CALCOCO1: variants seen among roughly 807,000 people sequenced by gnomAD.
The protein encoded by CALCOCO1 is calcium-binding and coiled-coil domain-containing protein 1.
CALCOCO1 carries 44 observed loss-of-function variants against 86.3 expected under a neutral mutation model. The observed-to-expected ratio is 0.51, with a 90% CI of 0.40 to 0.66. CALCOCO1 has a LOEUF of 0.66. Among genes scored for constraint, CALCOCO1 ranks in the 30% least tolerant of loss-of-function variants. CALCOCO1 has a pLI of 0.00. For missense variants in CALCOCO1, 708 were observed against 851.1 expected (o/e 0.83, Z 2.09); for synonymous variants, 297 against 327.6 (o/e 0.91, Z 1.01).
At chr12:53,712,365 C>T (rs932656331) in intron 14 of CALCOCO1, 35 of 442,588 alleles carry the variant, frequency 7.9e-5, no homozygotes, top group Non-Finnish European at 1.2e-4. Context: ...ATCCCCCAGC[C>T]TCCTGCTCTC....
intron 12 of CALCOCO1, 49 bp from the exon 13 acceptor site, chr12:53,713,949 A>G: frequency 6.7e-7 from 1 of 1,485,958 alleles, no homozygotes; most frequent in Non-Finnish European, 9.1e-7. Context: ...TGTTGTGAGG[A>G]GTTGGACCAG....
In CALCOCO1 at chr12:53,723,783, G is replaced by T. The variant is rs1389948129; in HGVS notation, c.260C>A (p.Ala87Asp). ...AGCTCCTGGTTTGGGCAGGTAGCTGGCTGTGGGAAGAAGAATGGACCCAGG... is the reference window on the plus strand; with the variant it reads ...AGCTCCTGGTTTGGGCAGGTAGCTGTCTGTGGGAAGAAGAATGGACCCAGG... ...SPIHTSVQFQ[A>D]SYLPKPGAQL... Residue 87 changes from alanine to aspartate, a missense_variant and splice_region_variant, in exon 4 of 15, where the codon GCC becomes GAC. Transcript: ENST00000550804. The T allele has an allele frequency of 6.2e-7, 1 of 1,611,616 alleles. No individual in the cohort carries two copies. Among genetic ancestry groups the T allele is most frequent in the Non-Finnish European group, 8.5e-7 (1 of 1,178,078 alleles).
chr12:53,712,710 C>T (rs1945598482), intron 14 of CALCOCO1: 1 of 914,168 alleles, frequency 1.1e-6, no homozygotes, highest in South Asian at 1.7e-5. Flanking sequence ...CCAGTCTTCT[C>T]TCTGCTCCTA....
chr12:53,716,217 C>T, intron 8 of CALCOCO1, 43 bp downstream of exon 8: 1 of 1,609,376 alleles, frequency 6.2e-7, no homozygotes, highest in Middle Eastern at 1.8e-4. Flanking sequence ...TACAACTTGC[C>T]CTTGGAATTT....
chr12:53,726,477 A>ATT (rs1658580571), intron 1 of CALCOCO1: 2 of 152,206 alleles, frequency 1.3e-5, no homozygotes, highest in African/African-American at 4.8e-5. Context: ...TGGCCCTCTT[A>ATT]TTCATCACTC....
At chr12:53,713,644 C>G (rs1016994189) in intron 13 of CALCOCO1, 57 bp downstream of exon 13, 341 of 1,437,684 alleles carry the variant, frequency 2.4e-4, no homozygotes, top group Non-Finnish European at 3.0e-4. Flanking sequence ...GGCTGGGACA[C>G]TTGGGTTTGG....
chr12:53,721,994 G>C (rs780318716), intron 5 of CALCOCO1, 31 bp downstream of exon 5: 37 of 1,610,596 alleles, frequency 2.3e-5, no homozygotes, highest in Non-Finnish European at 3.1e-5. Flanking sequence ...TGAGCAGCCA[G>C]GCCCTGTCCC....
At chr12:53,717,681 T>A (rs552683625) in intron 7 of CALCOCO1, among the ~76,000 whole-genome samples, 1 of 152,222 alleles carries the variant, frequency 6.6e-6, no homozygotes, top group African/African-American at 2.4e-5. Context: ...CTGCAGATAC[T>A]TGATTTGAAT....
intron 1 of CALCOCO1, among the ~76,000 whole-genome samples, chr12:53,725,529 C>T (rs1349418431): frequency 2.6e-5 from 4 of 152,222 alleles, no homozygotes; most frequent in African/African-American, 9.6e-5. Context: ...TCAGACTTCT[C>T]TAATTTTGCT....
chr12:53,719,621 T>C (rs1945815596), intron 7 of CALCOCO1, 118 bp downstream of exon 7: 2 of 712,210 alleles, frequency 2.8e-6, no homozygotes, highest in Non-Finnish European at 5.1e-6. Context: ...TTATGTTCCC[T>C]AGTAGAGTGC....
chr12:53,724,653 T>G lies in CALCOCO1; in HGVS notation c.251A>C (p.Gln84Pro). The G allele has an allele frequency of 6.2e-7, 1 of 1,613,544 alleles. No individual in the cohort carries two copies. The highest frequency in any genetic ancestry group is 8.5e-7 in the Non-Finnish European group (1 of 1,179,520). ...TDGSPIHTSV[Q>P]FQASYLPKPG... Reference sequence around the variant, plus strand: ...TCCATCTTCCCTTGTACCTTGGAACTGGACACTGGTGTGAATGGGGGAACC... The same window carrying G: ...TCCATCTTCCCTTGTACCTTGGAACGGGACACTGGTGTGAATGGGGGAACC... Residue 84 changes from glutamine to proline, a missense_variant, in exon 3 of 15, where the codon CAG becomes CCG. Physicochemically the swap from Gln to Pro is moderately conservative, Grantham distance 76. Transcript: ENST00000550804.
intron 14 of CALCOCO1, 102 bp downstream of exon 14, chr12:53,712,998 G>GAA: frequency 7.6e-7 from 1 of 1,310,880 alleles, no homozygotes; most frequent in Non-Finnish European, 1.1e-6. Flanking sequence ...CTGAGGCCAA[G>GAA]AAGGGCAGGG....
At chr12:53,725,330 A>G in intron 1 of CALCOCO1, 64 bp from the exon 2 acceptor site, 4 of 1,103,986 alleles carry the variant, frequency 3.6e-6, no homozygotes, top group South Asian at 1.7e-5. Flanking sequence ...CCACAGCTCC[A>G]GCACCACACA....
chr12:53,719,371 C>G (rs2120607221), intron 7 of CALCOCO1, among the ~76,000 whole-genome samples: 1 of 151,992 alleles, frequency 6.6e-6, no homozygotes, highest in South Asian at 2.1e-4. Flanking sequence ...ACTAAAAATA[C>G]AAAAGTTAGC....
At chr12:53,715,572 T>C in intron 9 of CALCOCO1, 1 of 752,532 alleles carries the variant, frequency 1.3e-6, no homozygotes, top group Non-Finnish European at 2.1e-6. Context: ...ATGTTTCTGT[T>C]CCAAGGAAGG....
rs918045475 is a variant in CALCOCO1, at chr12:53,711,519, C to T, written c.*425G>A. 32 of 324,300 alleles carry T rather than the reference C, an allele frequency of 9.9e-5. No homozygotes were observed. Among genetic ancestry groups the T allele is most frequent in the Admixed American group, 1.5e-4 (3 of 20,356 alleles). The allele number at this position is 324,300 out of a possible 1,614,324, so 20.1% of individuals were successfully genotyped here. A position where few individuals can be genotyped will look rare whatever the true frequency, so the allele number is the denominator to read the frequency against. On this transcript the variant is annotated 3_prime_UTR_variant, in exon 15 of 15. Coordinates refer to ENST00000550804, the MANE Select transcript of CALCOCO1 (RefSeq NM_020898.3). Reference sequence around the variant, plus strand: ...CCCAGAGAAAACTCAGGTAAACCAACGGAAACTCCAAATAAGAGAGGGTAG... The same window carrying T: ...CCCAGAGAAAACTCAGGTAAACCAATGGAAACTCCAAATAAGAGAGGGTAG...
Position 53,713,834 on chromosome 12 carries a change from C to G in CALCOCO1, c.1658G>C (p.Gly553Ala), listed in dbSNP as rs1945650220. 6.4e-7 allele frequency: 1 copy of G among 1,554,404 alleles called. No homozygotes were observed. Among genetic ancestry groups the G allele is most frequent in the Non-Finnish European group, 8.7e-7 (1 of 1,152,256 alleles). Reference protein sequence around the residue: ...SPEDMRLPPYGLCERGDPGSS... With the variant: ...SPEDMRLPPYALCERGDPGSS... ...GCCTGGGTCTCCACGCTCACAAAGG[C>G]CATAGGGTGGGAGCCTCATGTCTTC... Residue 553 changes from glycine (G) to alanine (A), a missense_variant, in exon 13 of 15, where the codon GGC becomes GCC. By Grantham distance (60) the Gly-to-Ala change is moderately conservative. Transcript: ENST00000550804.
chr12:53,722,911 A>ACAT lies in CALCOCO1; in HGVS notation c.450+679_450+681dup, dbSNP rs530502309. ...CATCTTTCACTTACGTGAGATATAA[A>ACAT]CATCTTCCTGGGTGACAGAGCAAGG... is the stretch of plus-strand genomic sequence containing the variant. On this transcript the variant is annotated intron_variant, in intron 4 of 14. Coordinates refer to ENST00000550804, the MANE Select transcript of CALCOCO1 (RefSeq NM_020898.3). 500 of 430,186 alleles carry ACAT rather than the reference A, an allele frequency of 1.2e-3. 4 individuals are homozygous for ACAT. Among genetic ancestry groups the ACAT allele is most frequent in the African/African-American group, 9.8e-3 (469 of 47,770 alleles). The allele number at this position is 430,186 out of a possible 1,614,324, so 26.6% of individuals were successfully genotyped here.
intron 1 of CALCOCO1, among the ~76,000 whole-genome samples, chr12:53,726,507 A>AT (rs1946037966): frequency 6.6e-6 from 1 of 152,050 alleles, no homozygotes; most frequent in Non-Finnish European, 1.5e-5. Context: ...CCACTAATCT[A>AT]TTTCCTGTGT....
Sources: allele counts gnomAD v4.1 joint callset (sites outside exome capture counted in the v4.1 genomes callset), GRCh38; gene constraint gnomAD v4.1.1; transcripts MANE v1.5; gene names NCBI Gene and HGNC (gene_info 2026-07-23, HGNC 2026-07-21).